The following VWA8 variants were observed in gnomAD, a reference collection of about 807,000 sequenced individuals.
The protein encoded by VWA8 is von Willebrand factor A domain-containing protein 8.
Under a neutral mutation model 241.5 loss-of-function variants are expected in VWA8, and 221 were observed. That is an observed-to-expected ratio of 0.91 (90% CI 0.82 to 1.02). VWA8 has a LOEUF of 1.02. Among genes scored for constraint, VWA8 ranks in the 50% least tolerant of loss-of-function variants. VWA8 has a pLI of 0.00. For missense variants in VWA8, 2,322 were observed against 2,328.7 expected (o/e 1.00, Z 0.06); for synonymous variants, 852 against 827.1 (o/e 1.03, Z -0.52).
intron 26 of VWA8, among the ~76,000 whole-genome samples, chr13:41,705,556 CATAA>C (rs1317386135): frequency 6.6e-6 from 1 of 152,194 alleles, no homozygotes; most frequent in Admixed American, 6.5e-5. Context: ...GCATAGAAGA[CATAA>C]TGTAACAGAC....
intron 17 of VWA8, among the ~76,000 whole-genome samples, chr13:41,807,284 T>C (rs1422014956): frequency 6.6e-6 from 1 of 152,152 alleles, no homozygotes; most frequent in Non-Finnish European, 1.5e-5. Context: ...ATACCAATCC[T>C]ACTGAAACCA....
intron 35 of VWA8, among the ~76,000 whole-genome samples, chr13:41,684,836 T>A (rs1435149438): frequency 3.9e-5 from 6 of 152,186 alleles, no homozygotes; most frequent in African/African-American, 7.2e-5. Flanking sequence ...TAAATGAAGA[T>A]GAGCTCTAAC....
intron 40 of VWA8, among the ~76,000 whole-genome samples, chr13:41,594,955 G>A (rs983057284): frequency 9.2e-5 from 14 of 152,134 alleles, no homozygotes; most frequent in African/African-American, 3.4e-4. Flanking sequence ...AATTCCTAGA[G>A]GACTGCATGT....
rs566267805 is a variant in VWA8 at position 41,748,215 on chromosome 13, A to T, written c.2426+12913T>A. 3.9e-5 allele frequency among the ~76,000 whole-genome samples: 6 copies of T among 152,260 alleles called. No homozygotes were observed. The South Asian group carries it at 1.2e-3, about 32-fold the overall frequency. ...TACCTCTGGTAGAATTTGGCTGTGAATCCATCTGGTCCTGAACTTTTTTTG... is the reference window on the plus strand; with the variant it reads ...TACCTCTGGTAGAATTTGGCTGTGATTCCATCTGGTCCTGAACTTTTTTTG... On this transcript the variant is annotated intron_variant, in intron 21 of 44. Transcript: ENST00000379310.
intron 21 of VWA8, among the ~76,000 whole-genome samples, chr13:41,740,221 T>G: frequency 6.6e-6 from 1 of 152,182 alleles, no homozygotes; most frequent in Admixed American, 6.5e-5. Context: ...GACAGAAGAC[T>G]GAAGCAGCTC....
chr13:41,776,538 T>G (rs565832916), intron 20 of VWA8, among the ~76,000 whole-genome samples: 1 of 152,292 alleles, frequency 6.6e-6, no homozygotes, highest in Admixed American at 6.5e-5. Flanking sequence ...CATAAATAAT[T>G]TATTGTTCTA....
intron 21 of VWA8, among the ~76,000 whole-genome samples, chr13:41,758,412 A>ATATATATACGCTAG (rs2045712964): frequency 1.2e-5 from 1 of 82,522 alleles, no homozygotes; most frequent in Non-Finnish European, 2.8e-5. Context: ...ATATATATAT[A>ATATATATACGCTAG]TATATATATA....
At position 41,709,165 on chromosome 13, in the gene VWA8, A is replaced by G. The variant is rs568900116; in HGVS notation, c.3117-5754T>C. Among the ~76,000 whole-genome samples, 18 of 152,346 alleles carry G rather than the reference A, an allele frequency of 1.2e-4. No individual in the cohort carries two copies. In the South Asian group the frequency reaches 3.3e-3, roughly 28 times the overall value. Reference sequence around the variant, plus strand: ...CTCTACTATGAATATAGCACTTTGAATATAACATTGCATAATAAGGTTGGT... The same window carrying G: ...CTCTACTATGAATATAGCACTTTGAGTATAACATTGCATAATAAGGTTGGT... On this transcript the variant is annotated intron_variant, in intron 26 of 44. Coordinates refer to ENST00000379310, the MANE Select transcript of VWA8 (RefSeq NM_015058.2).
chr13:41,692,249 G>A (rs1000207923), intron 30 of VWA8, among the ~76,000 whole-genome samples: 1 of 151,512 alleles, frequency 6.6e-6, no homozygotes, highest in African/African-American at 2.4e-5. Context: ...TAAACACATG[G>A]GAAACACTTT....
chr13:41,877,469 T>C (rs1309783564), intron 9 of VWA8, among the ~76,000 whole-genome samples: 4 of 152,120 alleles, frequency 2.6e-5, no homozygotes, highest in Non-Finnish European at 5.9e-5. Flanking sequence ...GACATTAATA[T>C]TGTAACTTCC....
chr13:41,687,026 C>T (rs2045141188), intron 34 of VWA8, among the ~76,000 whole-genome samples: 1 of 152,126 alleles, frequency 6.6e-6, no homozygotes, highest in African/African-American at 2.4e-5. Flanking sequence ...ACTATTTGCT[C>T]ATTTGTAAAA....
At chr13:41,930,658 C>G (rs1877061813) in intron 2 of VWA8, among the ~76,000 whole-genome samples, 1 of 152,168 alleles carries the variant, frequency 6.6e-6, no homozygotes, top group South Asian at 2.1e-4. Flanking sequence ...ACCCAATTTA[C>G]TAAGCATCCC....
At chr13:41,600,185 A>G (rs1347940542) in intron 40 of VWA8, among the ~76,000 whole-genome samples, 2 of 152,102 alleles carry the variant, frequency 1.3e-5, no homozygotes, top group Admixed American at 6.6e-5. Context: ...GCGTGTCACT[A>G]GCGCTCTTCA....
chr13:41,933,696 G>GC (rs1877226011), intron 2 of VWA8, among the ~76,000 whole-genome samples: 1 of 151,936 alleles, frequency 6.6e-6, no homozygotes, highest in South Asian at 2.1e-4. Flanking sequence ...AACTACAAAG[G>GC]CAATTCAGTG....
chr13:41,898,808 AC>A (rs58531703), intron 4 of VWA8, among the ~76,000 whole-genome samples: 152,209 of 152,210 alleles, frequency 1, 76,104 homozygotes, highest in Middle Eastern at 1. Flanking sequence ...CACCCTCCAC[AC>A]GCCGCTGGCC....
chr13:41,616,741 T>C (rs2044622811), intron 37 of VWA8, among the ~76,000 whole-genome samples: 1 of 152,216 alleles, frequency 6.6e-6, no homozygotes, highest in African/African-American at 2.4e-5. Flanking sequence ...CTTGTGCGAC[T>C]GAGGACCTGA....
chr13:41,738,373 G>C (rs1163521269), intron 21 of VWA8, among the ~76,000 whole-genome samples: 1 of 152,080 alleles, frequency 6.6e-6, no homozygotes, highest in East Asian at 1.9e-4. Flanking sequence ...CAGAGGTAGG[G>C]TCTTGCTGGG....
At chr13:41,670,876 C>T (rs759380955) in intron 37 of VWA8, 70 bp downstream of exon 37, 10 of 1,565,354 alleles carry the variant, frequency 6.4e-6, no homozygotes, top group Admixed American at 3.4e-5. Flanking sequence ...ATTTTCATGA[C>T]TGTGGCATCT....
chr13:41,629,269 C>A (rs989220347), intron 37 of VWA8, among the ~76,000 whole-genome samples: 5 of 151,968 alleles, frequency 3.3e-5, no homozygotes, highest in African/African-American at 1.2e-4. Context: ...ATTTGTACAC[C>A]AAATCCCAGT....
Sources: allele counts gnomAD v4.1 joint callset (sites outside exome capture counted in the v4.1 genomes callset), GRCh38; gene constraint gnomAD v4.1.1; transcripts MANE v1.5; gene names NCBI Gene and HGNC (gene_info 2026-07-23, HGNC 2026-07-21).